The following CD226 variants were observed in gnomAD, a reference collection of about 807,000 sequenced individuals.
CD226 encodes the protein CD226 molecule.
In CD226, 24 loss-of-function variants were observed where a neutral mutation model predicts 34.9. That is an observed-to-expected ratio of 0.69 (90% confidence interval 0.50 to 0.97). The LOEUF is 0.97. CD226 is among the 50% of genes least tolerant of loss of function. The probability of loss-of-function intolerance (pLI) is 0.00; values close to 1 mark genes in which losing one functional copy is unlikely to be tolerated. For missense variants in CD226, 397 were observed against 412.7 expected, an observed-to-expected ratio of 0.96 and a Z score of 0.33; for synonymous variants, 148 against 147.4, an observed-to-expected ratio of 1.00 and a Z score of -0.03.
rs547223714 is a variant in CD226 at position 69,931,378 on chromosome 18, A to T, written c.382+15356T>A. The stretch of plus-strand genomic sequence containing the variant: ...GCACATGTACCCTAAAACTTAAAGT[A>T]TAATAATAATAAAATTTAAAAAAAA... On this transcript the variant is annotated intron_variant, in intron 2 of 5. Coordinates refer to ENST00000582621, the MANE Select transcript of CD226 (RefSeq NM_001303618.2). Among the ~76,000 whole-genome samples the T allele has an allele frequency of 5.3e-5, 8 of 152,236 alleles. No homozygotes were observed. In the South Asian group the frequency reaches 1.0e-3, roughly 20 times the overall value.
chr18:69,950,583 G>A (rs549851766), upstream of CD226, among the ~76,000 whole-genome samples: 10 of 152,106 alleles, frequency 6.6e-5, no homozygotes, highest in Admixed American at 1.3e-4. Context: ...AGGAGGCTGT[G>A]GCCACATGCA....
chr18:69,919,370 A>G (rs561348261), intron 2 of CD226, among the ~76,000 whole-genome samples: 1 of 152,374 alleles, frequency 6.6e-6, no homozygotes, highest in East Asian at 1.9e-4. Flanking sequence ...GACCGTTTAC[A>G]TAGCTACAAA....
chr18:69,878,259 GGA>G (rs1271534213), intron 3 of CD226, among the ~76,000 whole-genome samples: 1 of 150,072 alleles, frequency 6.7e-6, no homozygotes, highest in Non-Finnish European at 1.5e-5. Context: ...ATTCATAGGA[GGA>G]GAAGTGTCTT....
intron 3 of CD226, among the ~76,000 whole-genome samples, chr18:69,873,929 C>G (rs1355533384): frequency 6.6e-6 from 1 of 151,956 alleles, no homozygotes; most frequent in Non-Finnish European, 1.5e-5. Context: ...ATATTAAGTA[C>G]ATTCAACATA....
intron 3 of CD226, among the ~76,000 whole-genome samples, chr18:69,880,112 T>C (rs1468036886): frequency 6.6e-6 from 1 of 151,310 alleles, no homozygotes; most frequent in Non-Finnish European, 1.5e-5. Flanking sequence ...AATAAATATG[T>C]GAGAACTTTT....
At chr18:69,892,615 C>A (rs763049146) in intron 3 of CD226, among the ~76,000 whole-genome samples, 3 of 152,180 alleles carry the variant, frequency 2.0e-5, no homozygotes, top group Admixed American at 6.5e-5. Context: ...CTTGCTTCTG[C>A]CATTTTCTCC....
chr18:69,961,560 C>G (rs2055929732), upstream of CD226: 1 of 152,150 alleles, frequency 6.6e-6, no homozygotes, highest in African/African-American at 2.4e-5. Flanking sequence ...AAAGGTGCTC[C>G]CTGGAGCAGA....
intron 2 of CD226, among the ~76,000 whole-genome samples, chr18:69,897,592 C>T (rs1455200417): frequency 2.0e-5 from 3 of 150,954 alleles, no homozygotes; most frequent in Non-Finnish European, 4.4e-5. Flanking sequence ...GCCCAGGAGC[C>T]ATTGTCTTGG....
chr18:69,870,776 T>C (rs552230153), intron 4 of CD226, among the ~76,000 whole-genome samples: 3 of 152,352 alleles, frequency 2.0e-5, no homozygotes, highest in African/African-American at 7.2e-5. Context: ...CTGATTTATG[T>C]TGGCTTCTAT....
At position 69,938,203 on chromosome 18, in the gene CD226, G is replaced by C. The variant is rs142956588; in HGVS notation, c.382+8531C>G. Among the ~76,000 whole-genome samples the C allele has an allele frequency of 2.3e-3, 350 of 152,314 alleles. 1 individual carries two copies. Among genetic ancestry groups the C allele is most frequent in the African/African-American group, 8.1e-3 (336 of 41,562 alleles). ...CCAACACAAAGTACCTGCATGTGTG[G>C]AGCAAGAAAATCTAACCCTCTACTA... On this transcript the variant is annotated intron_variant, in intron 2 of 5. Transcript: ENST00000582621.
At chr18:69,911,610 A>G (rs1002203149) in intron 2 of CD226, among the ~76,000 whole-genome samples, 2 of 152,184 alleles carry the variant, frequency 1.3e-5, no homozygotes, top group African/African-American at 4.8e-5. Context: ...TAACACTCAT[A>G]TAAGTTTGGA....
At chr18:69,941,930 C>T (rs11659646) in intron 2 of CD226, among the ~76,000 whole-genome samples, 137,525 of 152,132 alleles carry the variant, frequency 0.9, 63,390 homozygotes, top group East Asian at 1. Context: ...TGGGAGGTAG[C>T]TGAATCATGG....
chr18:69,952,729 A>G (rs2055864756), upstream of CD226, among the ~76,000 whole-genome samples: 1 of 152,248 alleles, frequency 6.6e-6, no homozygotes, highest in South Asian at 2.1e-4. Flanking sequence ...TATGGGCAAC[A>G]AAAGAAAAAA....
chr18:69,950,256 T>A (rs1358185189), upstream of CD226, among the ~76,000 whole-genome samples: 1 of 151,384 alleles, frequency 6.6e-6, no homozygotes, highest in Non-Finnish European at 1.5e-5. Flanking sequence ...TCTCACACAC[T>A]CTGTCTCTCT....
intron 5 of CD226, among the ~76,000 whole-genome samples, chr18:69,865,697 CA>C (rs1271946673): frequency 4.0e-5 from 6 of 151,508 alleles, no homozygotes; most frequent in African/African-American, 1.2e-4. Flanking sequence ...TGCCAACAAA[CA>C]AAAAAAATAT....
chr18:69,891,106 A>T (rs1180096798), intron 3 of CD226, among the ~76,000 whole-genome samples: 1 of 151,954 alleles, frequency 6.6e-6, no homozygotes, highest in Non-Finnish European at 1.5e-5. Flanking sequence ...TAAATTCACC[A>T]TCACATTAAA....
At chr18:69,864,877 ATATG>A (rs1983040343) in intron 5 of CD226, among the ~76,000 whole-genome samples, 1 of 152,254 alleles carries the variant, frequency 6.6e-6, no homozygotes, top group Admixed American at 6.5e-5. Flanking sequence ...CTTTGACCAC[ATATG>A]TATGTATGTA....
chr18:69,861,982 A>G lies in CD226; in HGVS notation c.*2332T>C, dbSNP rs774225134. 6.6e-6 allele frequency: 1 copy of G among 152,148 alleles called. No individual in the cohort carries two copies. The highest frequency in any genetic ancestry group is 2.4e-5 in the African/African-American group (1 of 41,448). 9.4% of individuals were successfully genotyped at this position (152,148 alleles called of 1,614,324 possible). A position where few individuals can be genotyped will look rare whatever the true frequency, so the allele number is the denominator to read the frequency against. The stretch of plus-strand genomic sequence containing the variant: ...CACTCTGTAGAGGAAGAATATATAG[A>G]GAAGAAAGGACAGAGTAAATAGTTC... On this transcript the variant is annotated 3_prime_UTR_variant, in exon 6 of 6. Coordinates refer to ENST00000582621, the MANE Select transcript of CD226 (RefSeq NM_001303618.2).
rs902448793 is a variant in CD226 at position 69,862,843 on chromosome 18, A to G, written c.*1471T>C. ...TGAAGTCCACAACTTTGATATTTAAATACAGCCTTCATAATGAATCTTTTC... is the reference window on the plus strand; with the variant it reads ...TGAAGTCCACAACTTTGATATTTAAGTACAGCCTTCATAATGAATCTTTTC... On this transcript the variant is annotated 3_prime_UTR_variant, in exon 6 of 6. Transcript: ENST00000582621. The G allele has an allele frequency of 6.6e-6, 1 of 152,226 alleles. No homozygotes were observed. The highest frequency in any genetic ancestry group is 6.5e-5 in the Admixed American group (1 of 15,284). The allele number at this position is 152,226 out of a possible 1,614,324, so 9.4% of individuals were successfully genotyped here.
Sources: allele counts gnomAD v4.1 joint callset (sites outside exome capture counted in the v4.1 genomes callset), GRCh38; gene constraint gnomAD v4.1.1; transcripts MANE v1.5; gene names NCBI Gene and HGNC (gene_info 2026-07-23, HGNC 2026-07-21).